Variants in ITPR2 observed in about 807,000 individuals in gnomAD.
ITPR2 encodes inositol 1,4,5-trisphosphate receptor type 2.
In ITPR2, 207 loss-of-function variants were observed where a neutral mutation model predicts 317.1. That is an observed-to-expected ratio of 0.65 (90% CI 0.58 to 0.73). The LOEUF (loss-of-function observed/expected upper bound fraction) is 0.73. Ranked by LOEUF, ITPR2 falls within the 30% of genes least tolerant of loss-of-function variation. The pLI is 0.00. For synonymous variants in ITPR2, 1,156 were observed against 1,149.1 expected, an observed-to-expected ratio of 1.01 and a Z score of -0.12; for missense variants, 2,613 against 3,284.0, an observed-to-expected ratio of 0.80 and a Z score of 4.99.
chr12:26,553,400 T>C (rs970052544), intron 36 of ITPR2, among the ~76,000 whole-genome samples: 1 of 152,240 alleles, frequency 6.6e-6, no homozygotes, highest in Non-Finnish European at 1.5e-5. Flanking sequence ...AAGAATTAGA[T>C]TTATTTGAGA....
rs1002330714 is a variant in ITPR2, at chr12:26,602,360, C to T, written c.3678+10G>A. Reference sequence around the variant, plus strand: ...AAAAAGCTAAAGAACAAAAAATAACCAGGACTAACCTTTTCATAGGGTATC... The same window carrying T: ...AAAAAGCTAAAGAACAAAAAATAACTAGGACTAACCTTTTCATAGGGTATC... On this transcript the variant is annotated intron_variant, in intron 28 of 56. Transcript: ENST00000381340. 6.3e-7 allele frequency: 1 copy of T among 1,588,116 alleles called. No individual in the cohort carries two copies. The highest frequency in any genetic ancestry group is 1.9e-5 in the Admixed American group (1 of 53,244).
At position 26,696,782 on chromosome 12, in the gene ITPR2, G is replaced by A. The variant is rs138857552; in HGVS notation, c.952-1132C>T. ...AAGAAGATAGTGAGTCAGTTTGAAC[G>A]CTGACGTAGAAACCCAGAGAATTTA... On this transcript the variant is annotated intron_variant, in intron 9 of 56. Coordinates refer to ENST00000381340, the MANE Select transcript of ITPR2 (RefSeq NM_002223.4). 7.0e-4 allele frequency among the ~76,000 whole-genome samples: 106 copies of A among 152,294 alleles called. 1 individual carries two copies. The highest frequency in any genetic ancestry group is 6.9e-3 in the East Asian group (36 of 5,188).
rs183233077 is a variant in ITPR2 at position 26,369,147 on chromosome 12, T to C, written c.7857+18287A>G. ...AGTCCATGTAGCTGGAGCCTATGAA[T>C]GGGAGGAAAGGGCAGAGCATAGCAG... On this transcript the variant is annotated intron_variant, in intron 55 of 56. Coordinates refer to ENST00000381340, the MANE Select transcript of ITPR2 (RefSeq NM_002223.4). Among the ~76,000 whole-genome samples the C allele has an allele frequency of 5.3e-5, 8 of 152,256 alleles. No individual in the cohort carries two copies. The East Asian group carries it at 1.4e-3, about 26-fold the overall frequency.
chr12:26,508,888 C>T (rs1286453741), intron 37 of ITPR2, among the ~76,000 whole-genome samples: 1 of 152,148 alleles, frequency 6.6e-6, no homozygotes, highest in Non-Finnish European at 1.5e-5. Context: ...CAATTCCACT[C>T]CTAAGTATTT....
chr12:26,619,310 T>A (rs1338129476), intron 26 of ITPR2, among the ~76,000 whole-genome samples: 1 of 152,230 alleles, frequency 6.6e-6, no homozygotes, highest in African/African-American at 2.4e-5. Flanking sequence ...GACTGAATGC[T>A]AATGTTGAAA....
At chr12:26,482,733 C>T (rs1942572385) in intron 42 of ITPR2, among the ~76,000 whole-genome samples, 1 of 152,172 alleles carries the variant, frequency 6.6e-6, no homozygotes, top group South Asian at 2.1e-4. Context: ...TCATTGTACA[C>T]ACCTATGCAT....
Position 26,665,956 on chromosome 12 carries a change from T to C in ITPR2, c.1505A>G (p.Asn502Ser). 6.2e-7 allele frequency: 1 copy of C among 1,613,966 alleles called. No individual in the cohort carries two copies. The highest frequency in any genetic ancestry group is 1.3e-5 in the African/African-American group (1 of 75,050). Reference protein sequence around the residue: ...EVLDVVITKPNRERQKLMREQ... With the variant: ...EVLDVVITKPSRERQKLMREQ... ...CCTCATCAATTTTTGACGCTCTCGGTTTGGCTTAGTGATAACCACATCCAG... is the reference window on the plus strand; with the variant it reads ...CCTCATCAATTTTTGACGCTCTCGGCTTGGCTTAGTGATAACCACATCCAG... Residue 502 changes from asparagine (N) to serine (S), a missense_variant, in exon 14 of 57, where the codon AAC becomes AGC. Around this residue, in one of 9 missense-constraint regions of ITPR2, gnomAD observed 515 missense variants for 789.4 expected, o/e 0.65. Transcript: ENST00000381340.
At chr12:26,631,830 A>T in intron 22 of ITPR2, 36 bp downstream of exon 22, 1 of 1,584,782 alleles carries the variant, frequency 6.3e-7, no homozygotes, top group Non-Finnish European at 8.7e-7. Context: ...AAGCAAAATT[A>T]CATCTTTGTC....
At chr12:26,539,714 T>C (rs1310617933) in intron 37 of ITPR2, among the ~76,000 whole-genome samples, 2 of 152,240 alleles carry the variant, frequency 1.3e-5, no homozygotes, top group African/African-American at 2.4e-5. Flanking sequence ...CTGGTCCCAG[T>C]GCCTTCTGCG....
rs765771678 is a variant in ITPR2, at chr12:26,340,160, C to T, written c.8019+7G>A. ...CCACCCAGCCCCATCTCCCTGAATG[C>T]ACCCACCTGCTCCTTGAGCTCCGCC... On this transcript the variant is annotated splice_region_variant and intron_variant, in intron 56 of 56. Coordinates refer to ENST00000381340, the MANE Select transcript of ITPR2 (RefSeq NM_002223.4). The T allele has an allele frequency of 6.3e-7, 1 of 1,594,350 alleles. No individual in the cohort carries two copies. The highest frequency in any genetic ancestry group is 1.1e-5 in the South Asian group (1 of 87,112).
At chr12:26,570,336 G>A (rs1945126601) in intron 34 of ITPR2, among the ~76,000 whole-genome samples, 2 of 152,046 alleles carry the variant, frequency 1.3e-5, no homozygotes, top group Admixed American at 6.6e-5. Flanking sequence ...GTGAAAAATT[G>A]TATGATATTG....
intron 43 of ITPR2, 118 bp downstream of exon 43, chr12:26,481,013 A>T (rs544113497): frequency 8.5e-4 from 475 of 558,314 alleles, no homozygotes; most frequent in Admixed American, 1.0e-3. Flanking sequence ...TACTTTCACT[A>T]TCCCTTTCTG....
chr12:26,385,077 G>T (rs1013428574), intron 55 of ITPR2, among the ~76,000 whole-genome samples: 1 of 152,136 alleles, frequency 6.6e-6, no homozygotes, highest in Non-Finnish European at 1.5e-5. Flanking sequence ...ACCCTCCTGT[G>T]GGCAATGCAG....
At chr12:26,569,214 A>G (rs565608666) in intron 34 of ITPR2, among the ~76,000 whole-genome samples, 7 of 152,274 alleles carry the variant, frequency 4.6e-5, no homozygotes, top group African/African-American at 1.7e-4. Context: ...AAATTTAAAA[A>G]TATTGCATGC....
intron 21 of ITPR2, among the ~76,000 whole-genome samples, chr12:26,634,882 C>T (rs11048626): frequency 4.7e-5 from 2 of 42,372 alleles, no homozygotes; most frequent in African/African-American, 1.8e-4. Context: ...AAGACTTCAT[C>T]TCAAAAAAAA....
intron 2 of ITPR2, among the ~76,000 whole-genome samples, chr12:26,738,137 C>T (rs1949162499): frequency 6.6e-6 from 1 of 152,112 alleles, no homozygotes. Context: ...ACTTTGAGAC[C>T]AGTATTACTA....
intron 42 of ITPR2, among the ~76,000 whole-genome samples, chr12:26,483,335 T>C (rs1182630878): frequency 6.6e-6 from 1 of 152,190 alleles, no homozygotes; most frequent in African/African-American, 2.4e-5. Flanking sequence ...TTATTGTGCA[T>C]ATAAAAGAAA....
At chr12:26,494,395 T>C in intron 38 of ITPR2, 55 bp from the exon 39 acceptor site, 1 of 1,103,374 alleles carries the variant, frequency 9.1e-7, no homozygotes, top group Non-Finnish European at 1.2e-6. Flanking sequence ...TATTAATATG[T>C]AAGGTTTTCA....
At chr12:26,675,304 C>G (rs1947882238) in intron 13 of ITPR2, among the ~76,000 whole-genome samples, 1 of 152,164 alleles carries the variant, frequency 6.6e-6, no homozygotes, top group Non-Finnish European at 1.5e-5. Context: ...ACCCAAATGT[C>G]CAACAATGAT....
Sources: allele counts gnomAD v4.1 joint callset (sites outside exome capture counted in the v4.1 genomes callset), GRCh38; gene constraint gnomAD v4.1.1; regional missense constraint gnomAD v4.1.1; transcripts MANE v1.5; gene names NCBI Gene and HGNC (gene_info 2026-07-23, HGNC 2026-07-21).